ZNF185: variants seen among roughly 807,000 people sequenced by gnomAD.
ZNF185 encodes the protein zinc finger protein 185.
A neutral mutation model predicts 58.6 loss-of-function variants in ZNF185; 56 were observed. The ratio of observed to expected loss-of-function variants is 0.95; its 90% confidence interval spans 0.77 to 1.19. The LOEUF is 1.19. Among genes scored for constraint, ZNF185 ranks in the 50% most tolerant of loss-of-function variants. ZNF185 has a pLI of 0.00. For synonymous variants in ZNF185, 230 were observed against 215.9 expected (o/e 1.07, Z -0.57); for missense variants, 627 against 573.5 (o/e 1.09, Z -0.95).
chrX:152,932,961 G>A (rs1556878902), exon 14 of ZNF185: 6 of 1,194,758 alleles, frequency 5.0e-6, no homozygotes, highest in South Asian at 3.7e-5. Context: ...CATCGGCTCC[G>A]AGAGAGGAAG....
intron 16 of ZNF185, among the ~76,000 whole-genome samples, chrX:152,953,380 TAA>T (rs2048485431): frequency 1.8e-5 from 2 of 111,518 alleles, no homozygotes. Flanking sequence ...CACAGAACCA[TAA>T]AAAGTGTCCA....
chrX:152,967,182 G>A (rs1401326402), exon 20 of ZNF185: 1 of 1,209,670 alleles, frequency 8.3e-7, no homozygotes, highest in Non-Finnish European at 1.1e-6. Flanking sequence ...GCAGCATTGA[G>A]GACTCATTCG....
chrX:152,941,539 G>A (rs1556889425), intron 15 of ZNF185: 3 of 505,436 alleles, frequency 5.9e-6, no homozygotes, highest in African/African-American at 2.6e-5. Context: ...CACAGGACGT[G>A]TGCGCCTGCG....
chrX:152,927,776 C>T (rs1556873788), intron 11 of ZNF185, among the ~76,000 whole-genome samples: 1 of 110,381 alleles, frequency 9.1e-6, no homozygotes, highest in Admixed American at 9.6e-5. Flanking sequence ...AGAGCTTCAC[C>T]AGGGCAGGCC....
the ZNF185 span, among the ~76,000 whole-genome samples, chrX:152,904,390 C>A: frequency 8.9e-6 from 1 of 112,808 alleles, no homozygotes; most frequent in African/African-American, 3.2e-5. Context: ...TGTGGCGGTG[C>A]CTGCTCCATC....
the ZNF185 span, among the ~76,000 whole-genome samples, chrX:152,898,211 C>T: frequency 2.7e-5 from 3 of 110,890 alleles, no homozygotes; most frequent in African/African-American, 9.8e-5. Context: ...ACCCTCCACC[C>T]GCCCCACGAG....
chrX:152,937,350 T>G (rs926442130), intron 14 of ZNF185, among the ~76,000 whole-genome samples: 3 of 112,064 alleles, frequency 2.7e-5, no homozygotes. Flanking sequence ...TGCCCTGTCT[T>G]GGCTGCTTAG....
At chrX:152,928,745 C>A in intron 12 of ZNF185, 84 bp downstream of exon 13, 2 of 1,003,184 alleles carry the variant, frequency 2.0e-6, no homozygotes, top group Non-Finnish European at 2.7e-6. Flanking sequence ...AATGATGAGG[C>A]CTAGGGCCGG....
intron 9 of ZNF185, among the ~76,000 whole-genome samples, chrX:152,921,011 T>C (rs1556869296): frequency 8.9e-6 from 1 of 112,608 alleles, no homozygotes; most frequent in African/African-American, 3.2e-5. Flanking sequence ...CGTGGAGCAT[T>C]TCCAAGGCCC....
chrX:152,968,063 T>G (rs1248604523), intron 20 of ZNF185, among the ~76,000 whole-genome samples: 2 of 111,339 alleles, frequency 1.8e-5, no homozygotes, highest in Non-Finnish European at 3.8e-5. Flanking sequence ...AGGAAGGAAG[T>G]AAGAGGGTTA....
intron 20 of ZNF185, 77 bp from the exon 23 acceptor site, chrX:152,969,305 A>G: frequency 1.1e-6 from 1 of 901,476 alleles, no homozygotes; most frequent in Non-Finnish European, 1.6e-6. Context: ...GCTGCACCAA[A>G]TTGGAAGGTC....
chrX:152,931,678 C>T, exon 13 of ZNF185: 1 of 1,208,636 alleles, frequency 8.3e-7, no homozygotes, highest in Non-Finnish European at 1.1e-6. Flanking sequence ...ATAGGTCTTC[C>T]CCAGGCAACA....
intron 15 of ZNF185, among the ~76,000 whole-genome samples, chrX:152,939,197 T>C (rs2046840078): frequency 8.9e-6 from 1 of 112,410 alleles, no homozygotes; most frequent in Admixed American, 9.4e-5. Context: ...GTTGCTTTTT[T>C]ACTTAAACCA....
Position 152,918,853 on chromosome X carries a change from G to A in ZNF185, c.432-130G>A. 10 of 478,909 alleles carry A rather than the reference G, an allele frequency of 2.1e-5. No homozygotes were observed. The South Asian group carries it at 3.2e-4, about 15-fold the overall frequency. 39.5% of individuals were successfully genotyped at this position (478,909 alleles called of 1,213,427 possible). A position where few individuals can be genotyped will look rare whatever the true frequency, so the allele number is the denominator to read the frequency against. ...GGAGGGGAGAGCTGGTCTCAGGGAG[G>A]AACAAGTGGCATGACCTAAGGCCCA... On this transcript the variant is annotated intron_variant, in intron 6 of 22. Coordinates refer to ENST00000449285, the Ensembl canonical transcript of ZNF185.
intron 18 of ZNF185, among the ~76,000 whole-genome samples, chrX:152,964,320 T>C (rs2125953329): frequency 8.9e-6 from 1 of 112,501 alleles, no homozygotes; most frequent in East Asian, 2.8e-4. Context: ...GGCTGGGACA[T>C]TTATAAAGGA....
intron 6 of ZNF185, 72 bp downstream of exon 7, chrX:152,918,226 A>C (rs1418506270): frequency 9.9e-6 from 11 of 1,109,482 alleles, no homozygotes; most frequent in African/African-American, 1.8e-5. Flanking sequence ...GGTCCACTGA[A>C]GGCAGCTGAC....
intron 14 of ZNF185, among the ~76,000 whole-genome samples, chrX:152,934,218 C>T (rs2046004590): frequency 1.8e-5 from 2 of 112,741 alleles, no homozygotes; most frequent in South Asian, 7.3e-4. Context: ...CTGGGTCCTG[C>T]ATGGCAGAAT....
At chrX:152,909,590 G>GTGCCACCGCCAC (rs1271911315), upstream of ZNF185, among the ~76,000 whole-genome samples, 1 of 112,452 alleles carries the variant, frequency 8.9e-6, no homozygotes, top group Non-Finnish European at 1.9e-5. Flanking sequence ...GCTTCCAGGG[G>GTGCCACCGCCAC]TGCCACCGCC....
the ZNF185 span, among the ~76,000 whole-genome samples, chrX:152,898,822 T>G: frequency 8.9e-6 from 1 of 112,431 alleles, no homozygotes; most frequent in African/African-American, 3.2e-5. Flanking sequence ...CTGCACCAGC[T>G]CTGTGGCTGG....
Sources: allele counts gnomAD v4.1 joint callset (sites outside exome capture counted in the v4.1 genomes callset), GRCh38; gene constraint gnomAD v4.1.1; transcripts MANE v1.5; gene names NCBI Gene and HGNC (gene_info 2026-07-23, HGNC 2026-07-21).